The following KCNT2 variants were observed in gnomAD, a reference collection of about 807,000 sequenced individuals.
The protein encoded by KCNT2 is potassium sodium-activated channel subfamily T member 2, also known as potassium channel subfamily T member 2.
Under a neutral mutation model 153.8 loss-of-function variants are expected in KCNT2, and 67 were observed. That is an observed-to-expected ratio of 0.44 (90% CI 0.36 to 0.53). The LOEUF is 0.53. KCNT2 is among the 20% of genes least tolerant of loss of function. The pLI, the probability that KCNT2 is intolerant of heterozygous loss-of-function variation, is 0.00. For missense variants in KCNT2, 975 were observed against 1,354.8 expected (o/e 0.72, Z 4.40); for synonymous variants, 500 against 458.8 (o/e 1.09, Z -1.15).
At chr1:196,416,946 G>A (rs1038869185) in intron 12 of KCNT2, among the ~76,000 whole-genome samples, 3 of 151,802 alleles carry the variant, frequency 2.0e-5, no homozygotes, top group Admixed American at 6.6e-5. Flanking sequence ...CCAGCCTCTG[G>A]TTACCATCCT....
At chr1:196,363,705 A>G (rs971501634) in intron 14 of KCNT2, among the ~76,000 whole-genome samples, 3 of 152,128 alleles carry the variant, frequency 2.0e-5, no homozygotes, top group African/African-American at 7.2e-5. Context: ...CACAGCAAGA[A>G]GGCCCTCACA....
intron 14 of KCNT2, among the ~76,000 whole-genome samples, chr1:196,344,815 T>G (rs1665994739): frequency 6.6e-6 from 1 of 152,202 alleles, no homozygotes; most frequent in Non-Finnish European, 1.5e-5. Flanking sequence ...CCTTGCTATT[T>G]TATGCTGGCA....
chr1:196,536,770 AC>A (rs1273785033), intron 1 of KCNT2, among the ~76,000 whole-genome samples: 1 of 152,090 alleles, frequency 6.6e-6, no homozygotes, highest in African/African-American at 2.4e-5. Context: ...TCACACTCTC[AC>A]TAACCTGAAG....
At chr1:196,331,337 T>A in intron 17 of KCNT2, 76 bp from the exon 18 acceptor site, 1 of 787,034 alleles carries the variant, frequency 1.3e-6, no homozygotes, top group South Asian at 1.4e-5. Context: ...CATGTTCCTC[T>A]GTTTTAATAA....
intron 27 of KCNT2, 112 bp from the exon 28 acceptor site, chr1:196,228,447 ACTGT>A (rs1653661590): frequency 1.4e-5 from 9 of 647,314 alleles, no homozygotes; most frequent in South Asian, 1.0e-4. Context: ...GATTATCTAA[ACTGT>A]CTGTATACAA....
chr1:196,604,303 C>T (rs184289959), intron 1 of KCNT2, among the ~76,000 whole-genome samples: 47 of 152,266 alleles, frequency 3.1e-4, no homozygotes, highest in Middle Eastern at 6.8e-3. Context: ...AGACTGAGCG[C>T]TATTTCATAT....
intron 3 of KCNT2, among the ~76,000 whole-genome samples, chr1:196,482,874 G>T (rs1201040187): frequency 3.9e-5 from 6 of 152,038 alleles, no homozygotes; most frequent in East Asian, 3.8e-4. Flanking sequence ...TATGACTGGG[G>T]TTAACATATT....
chr1:196,277,706 C>T lies in KCNT2; in HGVS notation c.2910+3154G>A, dbSNP rs186834188. ...TTTAAGTTCAAGTAAGAGAACAGGG[C>T]CATTTTGAACACTAATGGTTATTTA... On this transcript the variant is annotated intron_variant, in intron 25 of 27. Coordinates refer to ENST00000294725, the MANE Select transcript of KCNT2 (RefSeq NM_198503.5). 1.4e-4 allele frequency among the ~76,000 whole-genome samples: 21 copies of T among 152,086 alleles called. No individual in the cohort carries two copies. In the East Asian group the frequency reaches 3.9e-3, roughly 28 times the overall value.
At chr1:196,544,297 A>AAT (rs941409671) in intron 1 of KCNT2, among the ~76,000 whole-genome samples, 2 of 151,946 alleles carry the variant, frequency 1.3e-5, no homozygotes, top group African/African-American at 4.8e-5. Flanking sequence ...TGTAAAAAGA[A>AAT]ATATATATAT....
intron 20 of KCNT2, chr1:196,317,287 T>G (rs1215523388): frequency 2.2e-6 from 1 of 452,728 alleles, no homozygotes; most frequent in Admixed American, 2.4e-5. Flanking sequence ...AACAGAATGT[T>G]ATTCCAAATA....
rs1664870217 is a variant in KCNT2, at chr1:196,602,759, ATTCAAAGTCTATTTTTTTTTTTTTTT to A, written c.95+5430_95+5455del. On this transcript the variant is annotated intron_variant, in intron 1 of 27. Coordinates refer to ENST00000294725, the MANE Select transcript of KCNT2 (RefSeq NM_198503.5). ...GCATTTTATGTATTACACTATATAT[ATTCAAAGTCTATTTTTTTTTTTTTTT>A]TTTTTTTTTTTTGAGACGGAGTCTC... is the stretch of plus-strand genomic sequence containing the variant. 2.8e-5 allele frequency among the ~76,000 whole-genome samples: 4 copies of A among 143,612 alleles called. No individual in the cohort carries two copies. In the East Asian group the frequency reaches 6.0e-4, roughly 22 times the overall value. The allele number at this position is 143,612 out of a possible 152,430, so 94.2% of individuals were successfully genotyped here.
chr1:196,441,629 T>G (rs1448463105), intron 8 of KCNT2, among the ~76,000 whole-genome samples: 1 of 151,608 alleles, frequency 6.6e-6, no homozygotes, highest in Non-Finnish European at 1.5e-5. Flanking sequence ...ATTTATTACA[T>G]TTTATCTTCT....
intron 5 of KCNT2, among the ~76,000 whole-genome samples, chr1:196,471,061 CTTTT>C (rs1557978490): frequency 6.6e-6 from 1 of 150,970 alleles, no homozygotes; most frequent in African/African-American, 2.4e-5. Flanking sequence ...TTTTTTTATT[CTTTT>C]TTTAATTTTT....
intron 14 of KCNT2, among the ~76,000 whole-genome samples, chr1:196,352,188 C>A (rs557260749): frequency 6.6e-6 from 1 of 151,498 alleles, no homozygotes; most frequent in Non-Finnish European, 1.5e-5. Flanking sequence ...TGTCTCTGCC[C>A]GGCTTTGGTA....
rs1464465638 is a variant in KCNT2 at position 196,331,230 on chromosome 1, A to G, written c.2029T>C (p.Tyr677His). Residue 677 changes from tyrosine (Y) to histidine (H), a missense_variant, in exon 18 of 28, where the codon TAT becomes CAT. By Grantham distance (83) the Tyr-to-His change is moderately conservative. Transcript: ENST00000294725. ...YAKGYPPYSPYIGSSPTFCHL... is the reference protein window; with the variant it reads ...YAKGYPPYSPHIGSSPTFCHL... ...CAAAAAGTGGGTGAACTTCCTATAT[A>G]TGGAGAATAAGGTGGGTAACCTTTA... The G allele has an allele frequency of 1.2e-6, 2 of 1,603,698 alleles. No homozygotes were observed. Among genetic ancestry groups the G allele is most frequent in the Admixed American group, 1.7e-5 (1 of 59,952 alleles).
At chr1:196,554,577 C>T (rs1215569395) in intron 1 of KCNT2, among the ~76,000 whole-genome samples, 2 of 151,144 alleles carry the variant, frequency 1.3e-5, no homozygotes, top group African/African-American at 4.8e-5. Flanking sequence ...AGAACTAATA[C>T]CAATCCTACT....
chr1:196,559,174 T>G (rs1659065908), intron 1 of KCNT2, among the ~76,000 whole-genome samples: 1 of 151,668 alleles, frequency 6.6e-6, no homozygotes. Flanking sequence ...TGTAATCTAT[T>G]TACTTCAATA....
Position 196,237,501 on chromosome 1 carries a change from C to T in KCNT2, c.3212-1431G>A, listed in dbSNP as rs372928230. 3.3e-5 allele frequency among the ~76,000 whole-genome samples: 5 copies of T among 151,732 alleles called. No individual in the cohort carries two copies. In the East Asian group the frequency reaches 9.7e-4, roughly 29 times the overall value. On this transcript the variant is annotated intron_variant, in intron 26 of 27. Coordinates refer to ENST00000294725, the MANE Select transcript of KCNT2 (RefSeq NM_198503.5). ...ATAGACACAAGGAATTGTATCATGC[C>T]ATAGTGTTAGGGTTGCCAGGAAAAA...
intron 26 of KCNT2, among the ~76,000 whole-genome samples, chr1:196,256,584 GT>G (rs71154735): frequency 0.43 from 65,640 of 150,932 alleles, 17,031 homozygotes; most frequent in East Asian, 0.7. Context: ...TTCCTTATGA[GT>G]TTTTTGTGTT....
Sources: gnomAD v4.1 joint callset for allele counts (sites outside exome capture counted in the v4.1 genomes callset) on GRCh38, gnomAD v4.1.1 for gene constraint, MANE v1.5 for transcripts, NCBI Gene and HGNC (gene_info 2026-07-23, HGNC 2026-07-21) for gene names.